DNAJC10: variants seen among roughly 807,000 people sequenced by gnomAD.
DNAJC10 encodes endoplasmic reticulum disulfide reductase DNAJC10.
A neutral mutation model predicts 115.0 loss-of-function variants in DNAJC10; 101 were observed. That is an observed-to-expected ratio of 0.88 (90% CI 0.75 to 1.04). The LOEUF (loss-of-function observed/expected upper bound fraction) is 1.04, where lower values mean the gene tolerates loss of function less well. Ranked by LOEUF, DNAJC10 falls within the 50% of genes least tolerant of loss-of-function variation. The pLI, the probability that DNAJC10 is intolerant of heterozygous loss-of-function variation, is 0.00. For synonymous variants in DNAJC10, 307 were observed against 301.5 expected (o/e 1.02, Z -0.19); for missense variants, 981 against 928.8 (o/e 1.06, Z -0.73).
At chr2:182,731,007 G>C (rs1693430354) in intron 8 of DNAJC10, 23 bp from the exon 9 acceptor site, 3 of 1,563,490 alleles carry the variant, frequency 1.9e-6, no homozygotes, top group Non-Finnish European at 1.8e-6. Context: ...ATCAGAATTT[G>C]CTTTTTTTCT....
At chr2:182,730,575 GA>G in intron 8 of DNAJC10, 1 of 452,042 alleles carries the variant, frequency 2.2e-6, no homozygotes, top group South Asian at 1.6e-5. Context: ...CCCAGTTGGG[GA>G]AAAGAGAAAG....
At chr2:182,731,934 C>T (rs1693457740) in intron 9 of DNAJC10, among the ~76,000 whole-genome samples, 1 of 152,146 alleles carries the variant, frequency 6.6e-6, no homozygotes, top group Admixed American at 6.5e-5. Context: ...AAAGTTCTTA[C>T]ATTCTCTGAG....
intron 22 of DNAJC10, among the ~76,000 whole-genome samples, chr2:182,767,200 G>A (rs144564721): frequency 1.8e-4 from 28 of 152,218 alleles, no homozygotes; most frequent in East Asian, 9.7e-4. Flanking sequence ...CACGCAGAGC[G>A]TACCGGTGCC....
In DNAJC10 at chr2:182,728,623, C is replaced by G. The variant is rs368656790; in HGVS notation, c.466C>G (p.Pro156Ala). The G allele has an allele frequency of 3.1e-6, 5 of 1,612,824 alleles. No individual in the cohort carries two copies. Among genetic ancestry groups the G allele is most frequent in the Non-Finnish European group, 3.4e-6 (4 of 1,179,358 alleles). The change falls in exon 6 of 24, where the codon CCA becomes GCA. Residue 156 changes from proline (P) to alanine (A), a missense_variant. Physicochemically the swap from Pro to Ala is conservative, Grantham distance 27 (BLOSUM62 -1). Coordinates refer to ENST00000264065, the MANE Select transcript of DNAJC10 (RefSeq NM_018981.4). Reference protein sequence around the residue: ...GELWFVNFYSPGCSHCHDLAP... With the variant: ...GELWFVNFYSAGCSHCHDLAP... ...ACTGTGGTTTGTAAATTTTTACTCC[C>G]CAGGCTGTTCACACTGCCATGATTT...
At chr2:182,739,234 T>A (rs1052332227) in intron 11 of DNAJC10, among the ~76,000 whole-genome samples, 49 of 145,200 alleles carry the variant, frequency 3.4e-4, no homozygotes, top group African/African-American at 1.1e-3. Flanking sequence ...TCATATATAT[T>A]TATATATATA....
rs540512979 is a variant in DNAJC10 at position 182,745,967 on chromosome 2, T to C, written c.1306+2255T>C. 1.1e-4 allele frequency among the ~76,000 whole-genome samples: 16 copies of C among 152,050 alleles called. No homozygotes were observed. In the East Asian group the frequency reaches 3.1e-3, roughly 30 times the overall value. ...GTGTTCTCATTGTTCAATTCCCACCTATGAGTGAGAACATGCAGTGTTTGG... is the reference window on the plus strand; with the variant it reads ...GTGTTCTCATTGTTCAATTCCCACCCATGAGTGAGAACATGCAGTGTTTGG... On this transcript the variant is annotated intron_variant, in intron 14 of 23. Transcript: ENST00000264065.
At chr2:182,747,320 G>T (rs1257407265) in intron 14 of DNAJC10, among the ~76,000 whole-genome samples, 1 of 152,146 alleles carries the variant, frequency 6.6e-6, no homozygotes, top group Non-Finnish European at 1.5e-5. Flanking sequence ...ATTACCTTGG[G>T]CAGTATGGCC....
chr2:182,774,038 T>TG (rs1432798645), intron 22 of DNAJC10, among the ~76,000 whole-genome samples: 6 of 152,228 alleles, frequency 3.9e-5, no homozygotes, highest in African/African-American at 7.2e-5. Context: ...TTTTTGTTGA[T>TG]GCTGATGCTA....
At position 182,787,459 on chromosome 2, in the gene DNAJC10, A is replaced by G. The variant is rs998794423; in HGVS notation, c.*10327A>G. On this transcript the variant is annotated 3_prime_UTR_variant, in exon 24 of 24. Coordinates refer to ENST00000264065, the MANE Select transcript of DNAJC10 (RefSeq NM_018981.4). ...CCCGTAATGTACTACCAAACCGTTC[A>G]TTCATTATGACAAAACTGCCTACCA... 7 of 152,220 alleles carry G rather than the reference A, an allele frequency of 4.6e-5. No individual in the cohort carries two copies. The highest frequency in any genetic ancestry group is 4.1e-4 in the South Asian group (2 of 4,832). 9.4% of individuals were successfully genotyped at this position (152,220 alleles called of 1,614,324 possible).
At chr2:182,769,841 A>G (rs1457128164) in intron 22 of DNAJC10, among the ~76,000 whole-genome samples, 3 of 152,016 alleles carry the variant, frequency 2.0e-5, no homozygotes, top group Non-Finnish European at 4.4e-5. Flanking sequence ...CCATTTGTCT[A>G]TTTTGGCTTT....
intron 14 of DNAJC10, 58 bp from the exon 15 acceptor site, chr2:182,751,600 T>G: frequency 6.4e-7 from 1 of 1,567,942 alleles, no homozygotes. Context: ...CTTTGAAATG[T>G]CTCTGTGCAT....
intron 4 of DNAJC10, among the ~76,000 whole-genome samples, chr2:182,721,493 T>G (rs1693149125): frequency 6.6e-6 from 1 of 152,190 alleles, no homozygotes; most frequent in South Asian, 2.1e-4. Context: ...TATTTGTGTC[T>G]GCCTCTGCAA....
At position 182,788,931 on chromosome 2, in the gene DNAJC10, C is replaced by T. The variant is rs1000581701; in HGVS notation, c.*11799C>T. On this transcript the variant is annotated 3_prime_UTR_variant, in exon 24 of 24. Transcript: ENST00000264065. ...TTAAATTGTGATAAAGTACATGTAA[C>T]AAAATTTATTAATCATTTTAAAGTA... 2.5e-6 allele frequency: 1 copy of T among 407,764 alleles called. No homozygotes were observed. The highest frequency in any genetic ancestry group is 2.1e-5 in the African/African-American group (1 of 47,560). 25.3% of individuals were successfully genotyped at this position (407,764 alleles called of 1,614,324 possible). A position where few individuals can be genotyped will look rare whatever the true frequency, so the allele number is the denominator to read the frequency against.
At chr2:182,734,471 C>T (rs1167136099) in intron 10 of DNAJC10, among the ~76,000 whole-genome samples, 1 of 151,472 alleles carries the variant, frequency 6.6e-6, no homozygotes, top group Non-Finnish European at 1.5e-5. Flanking sequence ...AGTTGTTAAG[C>T]CTTGTTTCAT....
Position 182,784,220 on chromosome 2 carries a change from G to A in DNAJC10, c.*7088G>A, listed in dbSNP as rs988262138. On this transcript the variant is annotated 3_prime_UTR_variant, in exon 24 of 24. Coordinates refer to ENST00000264065, the MANE Select transcript of DNAJC10 (RefSeq NM_018981.4). ...TGTGTGCCTGTAATCATCTACCCTG[G>A]AGGCTGAGACAGGAGAATTGCATGA... is the stretch of plus-strand genomic sequence containing the variant. 2.0e-5 allele frequency: 3 copies of A among 152,040 alleles called. No individual in the cohort carries two copies. The South Asian group carries it at 6.2e-4, about 32-fold the overall frequency. 9.4% of individuals were successfully genotyped at this position (152,040 alleles called of 1,614,324 possible).
intron 9 of DNAJC10, among the ~76,000 whole-genome samples, chr2:182,732,002 A>G (rs1693459384): frequency 6.6e-6 from 1 of 152,104 alleles, no homozygotes; most frequent in Non-Finnish European, 1.5e-5. Flanking sequence ...AGGCTCTGTG[A>G]TGCTATAGCT....
intron 14 of DNAJC10, among the ~76,000 whole-genome samples, chr2:182,746,348 C>T (rs1172760955): frequency 1.3e-5 from 2 of 152,104 alleles, no homozygotes; most frequent in Non-Finnish European, 2.9e-5. Flanking sequence ...ACAGTCCCAC[C>T]AACAGTGTAA....
intron 22 of DNAJC10, among the ~76,000 whole-genome samples, chr2:182,763,440 GTC>G (rs1694335583): frequency 6.6e-6 from 1 of 152,074 alleles, no homozygotes; most frequent in Admixed American, 6.6e-5. Context: ...TTCTAAGAGA[GTC>G]CACCCCAGCA....
Position 182,757,804 on chromosome 2 carries a change from CAAAT to C in DNAJC10, c.1926_1929del (p.Asn642LysfsTer18). 1.3e-6 allele frequency: 2 copies of C among 1,519,826 alleles called. No individual in the cohort carries two copies. The highest frequency in any genetic ancestry group is 2.3e-5 in the South Asian group (2 of 86,330). The allele number at this position is 1,519,826 out of a possible 1,614,324, so 94.1% of individuals were successfully genotyped here. On this transcript the variant is annotated frameshift_variant, in exon 19 of 24. Transcript: ENST00000264065. LOFTEE classifies it high-confidence loss of function. ...GAGATAAGATTTTTTCCCCCAAAAT[CAAAT>C]AAAGCTTATCATTATCAGTAAGTAT...
Sources: allele counts gnomAD v4.1 joint callset (sites outside exome capture counted in the v4.1 genomes callset), GRCh38; gene constraint gnomAD v4.1.1; transcripts MANE v1.5; gene names NCBI Gene and HGNC (gene_info 2026-07-23, HGNC 2026-07-21).